TDP2: variants seen among roughly 807,000 people sequenced by gnomAD.
TDP2 encodes the protein 5'-Tyr-DNA phosphodiesterase.
In TDP2, 38 loss-of-function variants were observed where a neutral mutation model predicts 42.8. The ratio of observed to expected loss-of-function variants is 0.89; its 90% CI spans 0.68 to 1.16. The LOEUF is 1.16. Among genes scored for constraint, TDP2 ranks in the 50% most tolerant of loss-of-function variants. The probability of loss-of-function intolerance (pLI) is 0.00; values close to 1 mark genes in which losing one functional copy is unlikely to be tolerated. For synonymous variants in TDP2, 173 were observed against 150.6 expected (o/e 1.15, Z -1.09); for missense variants, 439 against 439.3 (o/e 1.00, Z 0.01).
chr6:24,664,465 G>A (rs1778201297), intron 2 of TDP2, among the ~76,000 whole-genome samples: 1 of 151,826 alleles, frequency 6.6e-6, no homozygotes, highest in African/African-American at 2.4e-5. Context: ...TGTTTTAAGA[G>A]GATTTCCCTT....
chr6:24,660,901 A>C (rs1465690630), intron 2 of TDP2, among the ~76,000 whole-genome samples: 5 of 152,088 alleles, frequency 3.3e-5, no homozygotes, highest in Admixed American at 2.6e-4. Flanking sequence ...CAGATTATGC[A>C]TTTTTTGGCA....
At chr6:24,666,646 C>T (rs768684552) in intron 1 of TDP2, 35 bp from the exon 2 acceptor site, 3 of 1,613,918 alleles carry the variant, frequency 1.9e-6, no homozygotes, top group East Asian at 2.2e-5. Flanking sequence ...GAGGTTTGTG[C>T]GCTCCACCGA....
chr6:24,652,983 C>T lies in TDP2; in HGVS notation c.807G>A (p.Glu269=). 6.2e-7 allele frequency: 1 copy of T among 1,612,586 alleles called. No individual in the cohort carries two copies. Among genetic ancestry groups the T allele is most frequent in the Non-Finnish European group, 8.5e-7 (1 of 1,179,994 alleles). Residue 269 remains glutamate (E), a splice_region_variant and synonymous_variant, in exon 6 of 7, where the codon GAG becomes GAA. Transcript: ENST00000378198. Reference sequence around the variant, plus strand: ...ACATCAAACTGACTTTGTCACTCACCTCTCGATCCCTTAGATTTGTATCTC... The same window carrying T: ...ACATCAAACTGACTTTGTCACTCACTTCTCGATCCCTTAGATTTGTATCTC... ...FAGDTNLRDR[E]VTRCGGLPNN...
In TDP2 at chr6:24,664,480, C is replaced by G. The variant is rs17243493; in HGVS notation, c.251+2046G>C. 8.6e-3 allele frequency among the ~76,000 whole-genome samples: 1,310 copies of G among 152,022 alleles called. 24 individuals carry two copies. The highest frequency in any genetic ancestry group is 0.027 in the African/African-American group (1,128 of 41,426). ...TGTTTTAAGAGGATTTCCCTTGTCTCTCATCAGAGACACTGAAGATAGATT... is the reference window on the plus strand; with the variant it reads ...TGTTTTAAGAGGATTTCCCTTGTCTGTCATCAGAGACACTGAAGATAGATT... On this transcript the variant is annotated intron_variant, in intron 2 of 6. Transcript: ENST00000378198.
chr6:24,666,386 C>T, intron 2 of TDP2, 140 bp downstream of exon 2: 1 of 1,408,486 alleles, frequency 7.1e-7, no homozygotes, highest in African/African-American at 1.4e-5. Flanking sequence ...GCAACGCAAG[C>T]CCTGCTCCTC....
chr6:24,651,065 G>A lies in TDP2; in HGVS notation c.812C>T (p.Thr271Ile). Residue 271 changes from threonine (T) to isoleucine (I), a missense_variant, in exon 7 of 7, where the codon ACC (threonine) becomes ATC (isoleucine). Transcript: ENST00000378198. Reference protein sequence around the residue: ...GDTNLRDREVTRCGGLPNNIV... With the variant: ...GDTNLRDREVIRCGGLPNNIV... ...GTTGTTGGGTAAACCACCACATCTG[G>A]TAACCTGAAAAGAAGAAGAATACTC... The A allele has an allele frequency of 6.2e-7, 1 of 1,609,508 alleles. No individual in the cohort carries two copies. Among genetic ancestry groups the A allele is most frequent in the Non-Finnish European group, 8.5e-7 (1 of 1,177,724 alleles).
At position 24,666,854 on chromosome 6, in the gene TDP2, C is replaced by T. The variant is rs142424556; in HGVS notation, c.9G>A (p.Leu3=). ME[L]GSCLEGGREA... ...CCCTCCCGCCCTCCAGGCAACTCCC[C>T]AACTCCATCTTCCTGCCGCCTCTGC... Residue 3 remains leucine, a synonymous_variant, in exon 1 of 7, where the codon TTG becomes TTA. Coordinates refer to ENST00000378198, the MANE Select transcript of TDP2 (RefSeq NM_016614.3). 1.7e-4 allele frequency: 272 copies of T among 1,613,894 alleles called. No individual in the cohort carries two copies. In the African/African-American group the frequency reaches 3.3e-3, roughly 20 times the overall value.
At chr6:24,659,883 A>C (rs1167295690) in intron 2 of TDP2, among the ~76,000 whole-genome samples, 1 of 152,160 alleles carries the variant, frequency 6.6e-6, no homozygotes, top group Non-Finnish European at 1.5e-5. Flanking sequence ...GGAACCCTGG[A>C]ACTGCCATGT....
intron 2 of TDP2, chr6:24,665,869 G>A (rs1047269645): frequency 2.4e-6 from 1 of 411,240 alleles, no homozygotes; most frequent in Non-Finnish European, 4.2e-6. Context: ...GCAAGGAAGG[G>A]AAAAGAAAAA....
chr6:24,661,065 C>T (rs1778141271), intron 2 of TDP2, among the ~76,000 whole-genome samples: 1 of 152,160 alleles, frequency 6.6e-6, no homozygotes, highest in Admixed American at 6.5e-5. Context: ...TTTTCCCCAT[C>T]ATAGTAAGTA....
At chr6:24,657,746 T>G in intron 4 of TDP2, 66 bp downstream of exon 4, 1 of 936,802 alleles carries the variant, frequency 1.1e-6, no homozygotes, top group Non-Finnish European at 1.6e-6. Flanking sequence ...TAGACCAACT[T>G]TGATTTATCT....
In TDP2 at chr6:24,650,726, T is replaced by C. The variant is rs934063830; in HGVS notation, c.*62A>G. ...TTATTTCCTCCACAGCAAACCTACC[T>C]TTCCAGAAGGTGGAAATTGTATTTG... is the stretch of plus-strand genomic sequence containing the variant. On this transcript the variant is annotated 3_prime_UTR_variant, in exon 7 of 7. Transcript: ENST00000378198. 6.5e-7 allele frequency: 1 copy of C among 1,549,056 alleles called. No homozygotes were observed. The highest frequency in any genetic ancestry group is 2.3e-5 in the East Asian group (1 of 44,334).
At chr6:24,657,272 T>C (rs537091335) in intron 4 of TDP2, among the ~76,000 whole-genome samples, 1 of 152,274 alleles carries the variant, frequency 6.6e-6, no homozygotes, top group Admixed American at 6.5e-5. Flanking sequence ...AAACTGAGTA[T>C]GTGCGAATTT....
chr6:24,665,279 G>C (rs891100971), intron 2 of TDP2, among the ~76,000 whole-genome samples: 3 of 152,208 alleles, frequency 2.0e-5, no homozygotes, highest in African/African-American at 7.2e-5. Context: ...GGAAGACTCA[G>C]ACTTGACTCT....
chr6:24,657,838 C>A lies in TDP2; in HGVS notation c.491G>T (p.Arg164Ile), dbSNP rs1778080891. Residue 164 changes from arginine (R) to isoleucine (I), a missense_variant, in exon 4 of 7, where the codon AGA (arginine) becomes ATA (isoleucine). Coordinates refer to ENST00000378198, the MANE Select transcript of TDP2 (RefSeq NM_016614.3). Reference protein sequence around the residue: ...IPPYYSYLKKRSSNYEIITGH... With the variant: ...IPPYYSYLKKISSNYEIITGH... The stretch of plus-strand genomic sequence containing the variant: ...TGTAATAATCTCATAATTACTTGAT[C>A]TCTTCTTTAGGTAGCTATAATATGG... 1 of 1,576,052 alleles carries A rather than the reference C, an allele frequency of 6.3e-7. No homozygotes were observed. Among genetic ancestry groups the A allele is most frequent in the East Asian group, 2.3e-5 (1 of 43,428 alleles).
chr6:24,658,830 TAA>T, intron 2 of TDP2, 96 bp from the exon 3 acceptor site: 1 of 1,293,370 alleles, frequency 7.7e-7, no homozygotes, highest in South Asian at 1.4e-5. Context: ...AGACAAATTT[TAA>T]AAGAGCCCTA....
chr6:24,662,735 T>A lies in TDP2; in HGVS notation c.251+3791A>T, dbSNP rs558011766. 1.1e-4 allele frequency among the ~76,000 whole-genome samples: 17 copies of A among 152,320 alleles called. No homozygotes were observed. In the South Asian group the frequency reaches 3.5e-3, roughly 32 times the overall value. ...CTCTCCGTCTTATTTATTTTCTCAG[T>A]CTCTCGTCCCACCTGAAGAGAAATA... is the stretch of plus-strand genomic sequence containing the variant. On this transcript the variant is annotated intron_variant, in intron 2 of 6. Transcript: ENST00000378198.
At chr6:24,660,085 A>G (rs1183836627) in intron 2 of TDP2, among the ~76,000 whole-genome samples, 1 of 152,216 alleles carries the variant, frequency 6.6e-6, no homozygotes, top group Admixed American at 6.5e-5. Flanking sequence ...AGGTGTCTGA[A>G]TTTATAATTT....
In TDP2 at chr6:24,666,534, G is replaced by A. The variant is rs370904533; in HGVS notation, c.243C>T (p.Pro81=). ...LERRPETISE[P]KTYVDLTNEE... is the part of the protein sequence containing the mutation. ...CTCCCCTCATCACTTACTAGGTCTT[G>A]GGCTCAGAGATGGTTTCAGGTCGGC... Residue 81 remains proline (P), a synonymous_variant, in exon 2 of 7, where the codon CCC becomes CCT. Coordinates refer to ENST00000378198, the MANE Select transcript of TDP2 (RefSeq NM_016614.3). 6.2e-7 allele frequency: 1 copy of A among 1,614,046 alleles called. No homozygotes were observed. The highest frequency in any genetic ancestry group is 1.3e-5 in the African/African-American group (1 of 75,066).
Sources: allele counts gnomAD v4.1 joint callset (sites outside exome capture counted in the v4.1 genomes callset), GRCh38; gene constraint gnomAD v4.1.1; transcripts MANE v1.5; gene names NCBI Gene and HGNC (gene_info 2026-07-23, HGNC 2026-07-21).